Variants in RBFOX1 observed in about 807,000 individuals in gnomAD.
RBFOX1 encodes RNA binding protein fox-1 homolog 1.
A neutral mutation model predicts 57.7 loss-of-function variants in RBFOX1; 8 were observed. That is an observed-to-expected ratio of 0.14 (90% CI 0.08 to 0.25). The LOEUF (loss-of-function observed/expected upper bound fraction) is 0.25, where lower values mean the gene tolerates loss of function less well. Ranked by LOEUF, RBFOX1 falls within the 10% of genes least tolerant of loss-of-function variation. The pLI, the probability that RBFOX1 is intolerant of heterozygous loss-of-function variation, is 1.00. For missense variants in RBFOX1, 611 were observed against 548.5 expected (o/e 1.11, Z -1.14); for synonymous variants, 326 against 222.4 (o/e 1.47, Z -4.15).
At chr16:7,247,196 A>G (rs2094336140) in intron 4 of RBFOX1, among the ~76,000 whole-genome samples, 1 of 152,124 alleles carries the variant, frequency 6.6e-6, no homozygotes, top group Non-Finnish European at 1.5e-5. Context: ...GTAGCTAGTC[A>G]GAAATGTTCT....
chr16:7,469,323 A>C (rs770946435), intron 4 of RBFOX1, among the ~76,000 whole-genome samples: 22 of 151,918 alleles, frequency 1.4e-4, no homozygotes, highest in Non-Finnish European at 3.1e-4. Flanking sequence ...CGGCCTCCCA[A>C]AGTGCTGGGA....
chr16:6,863,649 G>A (rs1239399872), intron 3 of RBFOX1, among the ~76,000 whole-genome samples: 1 of 125,994 alleles, frequency 7.9e-6, no homozygotes, highest in East Asian at 2.4e-4. Context: ...AAAATACCAA[G>A]GTTCTGTTTT....
At chr16:6,978,953 C>T (rs2087874129) in intron 3 of RBFOX1, among the ~76,000 whole-genome samples, 1 of 152,184 alleles carries the variant, frequency 6.6e-6, no homozygotes, top group Admixed American at 6.5e-5. Context: ...TGGTGGAGAG[C>T]CCCAGGCTGC....
At chr16:5,705,684 A>G (rs372338199) in intron 3 of RBFOX1, among the ~76,000 whole-genome samples, 1 of 152,164 alleles carries the variant, frequency 6.6e-6, no homozygotes, top group South Asian at 2.1e-4. Context: ...ATGAGACCTG[A>G]CTCATAGGAC....
intron 1 of RBFOX1, among the ~76,000 whole-genome samples, chr16:6,211,823 T>A (rs1298778726): frequency 3.2e-5 from 3 of 92,524 alleles, no homozygotes; most frequent in Admixed American, 3.2e-4. Flanking sequence ...ATACATCTTT[T>A]ATTTATTTAT....
intron 4 of RBFOX1, among the ~76,000 whole-genome samples, chr16:7,224,625 A>G (rs1222537593): frequency 6.6e-6 from 1 of 152,128 alleles, no homozygotes; most frequent in African/African-American, 2.4e-5. Flanking sequence ...GGGGGAGGTA[A>G]TGTCTCCAAA....
At chr16:6,720,415 C>T (rs2065749190) in intron 3 of RBFOX1, among the ~76,000 whole-genome samples, 1 of 152,122 alleles carries the variant, frequency 6.6e-6, no homozygotes, top group Non-Finnish European at 1.5e-5. Context: ...AAATCTCTTT[C>T]TTTATAAATT....
intron 5 of RBFOX1, among the ~76,000 whole-genome samples, chr16:7,572,239 A>G (rs3785240): frequency 0.13 from 20,349 of 152,240 alleles, 1,649 homozygotes; most frequent in Admixed American, 0.22. Flanking sequence ...TTCACTCTAA[A>G]GCATCCAGGA....
intron 3 of RBFOX1, among the ~76,000 whole-genome samples, chr16:6,857,311 T>C (rs763049798): frequency 1.6e-4 from 25 of 152,158 alleles, no homozygotes; most frequent in Non-Finnish European, 3.5e-4. Context: ...GTCAACACCT[T>C]TACTGAAGAA....
At chr16:5,822,982 GC>G in intron 3 of RBFOX1, among the ~76,000 whole-genome samples, 1 of 152,314 alleles carries the variant, frequency 6.6e-6, no homozygotes, top group South Asian at 2.1e-4. Context: ...AGGTCTTAGG[GC>G]ACCAAGCTGT....
chr16:7,225,510 A>G lies in RBFOX1; in HGVS notation c.27+173412A>G, dbSNP rs144513419. 4.7e-3 allele frequency among the ~76,000 whole-genome samples: 719 copies of G among 151,500 alleles called. 28 individuals are homozygous for G. Among genetic ancestry groups the G allele is most frequent in the Admixed American group, 0.043 (647 of 15,204 alleles). On this transcript the variant is annotated intron_variant, in intron 4 of 15. Transcript: ENST00000550418. ...GTATAACTGTAAGTCCATTAAATCT[A>G]TTTTTCTTTATAAATTACCAGTCTC...
At chr16:5,646,927 C>A (rs1247644582) in intron 3 of RBFOX1, among the ~76,000 whole-genome samples, 1 of 152,118 alleles carries the variant, frequency 6.6e-6, no homozygotes, top group Non-Finnish European at 1.5e-5. Context: ...GCCACCACGC[C>A]CAGCCAGGAA....
In RBFOX1 at chr16:5,721,620, A is replaced by G. The variant is rs141610140; in HGVS notation, c.318+122659A>G. ...GGGAGTGTTTTCATAGATTCCCTTT[A>G]TAATTTTGAAAACATTCTCTTATGT... On this transcript the variant is annotated intron_variant, in intron 3 of 19. Coordinates refer to the RBFOX1 transcript ENST00000641259. 2.0e-3 allele frequency among the ~76,000 whole-genome samples: 300 copies of G among 152,262 alleles called. 2 individuals are homozygous for G. The highest frequency in any genetic ancestry group is 7.0e-3 in the African/African-American group (291 of 41,542).
intron 4 of RBFOX1, among the ~76,000 whole-genome samples, chr16:7,466,206 A>G (rs1046917643): frequency 6.6e-5 from 10 of 152,348 alleles, no homozygotes; most frequent in African/African-American, 2.2e-4. Flanking sequence ...ATCTAATAAA[A>G]GGAGATTTAT....
At chr16:7,430,488 C>T (rs767137871) in intron 4 of RBFOX1, among the ~76,000 whole-genome samples, 2 of 151,990 alleles carry the variant, frequency 1.3e-5, no homozygotes, top group Non-Finnish European at 2.9e-5. Flanking sequence ...GGTGAAACCC[C>T]GTCTTTACTA....
rs2059413247 is a variant in RBFOX1 at position 5,947,005 on chromosome 16, A to C, written c.351+79670A>C. Among the ~76,000 whole-genome samples the C allele has an allele frequency of 6.6e-6, 1 of 152,146 alleles. No homozygotes were observed. Among genetic ancestry groups the C allele is most frequent in the Non-Finnish European group, 1.5e-5 (1 of 68,026 alleles). On this transcript the variant is annotated intron_variant, in intron 4 of 19. Coordinates refer to the RBFOX1 transcript ENST00000641259. This position sits in a 1 kb window ranked among gnomAD's most constrained non-coding sequence, Gnocchi z 7.2. ...AGTAGGAGGATTGCTTGAGGCCAGG[A>C]GTTTGAGACCAGCTCTAGCAATATA...
chr16:6,494,137 C>A (rs543759769), intron 2 of RBFOX1, among the ~76,000 whole-genome samples: 3 of 152,310 alleles, frequency 2.0e-5, no homozygotes, highest in African/African-American at 7.2e-5. Flanking sequence ...ACACTATTCT[C>A]TAATGGTAAT....
In RBFOX1 at chr16:6,278,377, C is replaced by CAAA. The variant is rs57523660; in HGVS notation, c.-126-38585_-126-38583dup. ...AACTGGGGGAAATTGTAGGACTCAC[C>CAAA]AAAAAAAAAAAAAAAAAAAAAAAAA... On this transcript the variant is annotated intron_variant, in intron 1 of 15. Coordinates refer to ENST00000550418, the MANE Select transcript of RBFOX1 (RefSeq NM_018723.4). Among the ~76,000 whole-genome samples, 158 of 28,068 alleles carry CAAA rather than the reference C, an allele frequency of 5.6e-3. 32 individuals carry two copies. The highest frequency in any genetic ancestry group is 0.014 in the African/African-American group (113 of 7,942). 18.4% of individuals were successfully genotyped at this position (28,068 alleles called of 152,430 possible).
chr16:6,917,275 G>A (rs1007435452), intron 3 of RBFOX1, among the ~76,000 whole-genome samples: 5 of 152,184 alleles, frequency 3.3e-5, no homozygotes, highest in African/African-American at 7.2e-5. Flanking sequence ...GCTACTGTTA[G>A]GGACTCATTT....
Sources: allele counts gnomAD v4.1 joint callset (sites outside exome capture counted in the v4.1 genomes callset), GRCh38; gene constraint gnomAD v4.1.1; non-coding constraint Gnocchi (gnomAD v3.1); transcripts MANE v1.5; gene names NCBI Gene and HGNC (gene_info 2026-07-23, HGNC 2026-07-21).